Variants in FAM53A observed in about 807,000 individuals in gnomAD.
The protein encoded by FAM53A is protein FAM53A.
A neutral mutation model predicts 26.6 loss-of-function variants in FAM53A; 28 were observed. That is an observed-to-expected ratio of 1.05 (90% confidence interval 0.78 to 1.45). FAM53A has a LOEUF of 1.45. Ranked by LOEUF, FAM53A falls within the 40% of genes most tolerant of loss-of-function variation. The pLI is 0.00. For synonymous variants in FAM53A, 290 were observed against 253.1 expected (o/e 1.15, Z -1.38); for missense variants, 650 against 575.8 (o/e 1.13, Z -1.32).
rs1712058420 is a variant in FAM53A, at chr4:1,644,469, C to T, written c.883-2862G>A. On this transcript the variant is annotated intron_variant, in intron 4 of 4. Transcript: ENST00000308132. ...CCCAACAGCGCTAGCGAAGGCCACA[C>T]GGAACTGAAGGGGCCACCCACGCTG... The T allele has an allele frequency of 2.5e-5, 31 of 1,258,804 alleles. 1 individual carries two copies. Among genetic ancestry groups the T allele is most frequent in the South Asian group, 3.1e-5 (2 of 64,416 alleles). The allele number at this position is 1,258,804 out of a possible 1,614,324, so 78.0% of individuals were successfully genotyped here. A position where few individuals can be genotyped will look rare whatever the true frequency, so the allele number is the denominator to read the frequency against.
chr4:1,663,896 C>T (rs537322619), intron 2 of FAM53A, among the ~76,000 whole-genome samples: 172 of 150,776 alleles, frequency 1.1e-3, no homozygotes, highest in Non-Finnish European at 2.0e-3. Context: ...AATCTATGTG[C>T]AACTAGAGGA....
chr4:1,600,557 G>C, the FAM53A span, among the ~76,000 whole-genome samples: 1 of 152,206 alleles, frequency 6.6e-6, no homozygotes, highest in Admixed American at 6.5e-5. Context: ...GCCCCACACG[G>C]CCAGGGTGAG....
intron 4 of FAM53A, chr4:1,644,469 C>A: frequency 7.9e-7 from 1 of 1,258,806 alleles, no homozygotes; most frequent in Non-Finnish European, 1.1e-6. Context: ...GAAGGCCACA[C>A]GGAACTGAAG....
chr4:1,590,573 T>C, the FAM53A span, among the ~76,000 whole-genome samples: 3 of 152,034 alleles, frequency 2.0e-5, no homozygotes, highest in African/African-American at 7.2e-5. Flanking sequence ...ACCTCAGTTA[T>C]GCAAACAATC....
At chr4:1,672,420 T>A (rs1268189788) in intron 1 of FAM53A, among the ~76,000 whole-genome samples, 1 of 151,770 alleles carries the variant, frequency 6.6e-6, no homozygotes, top group Admixed American at 6.6e-5. Flanking sequence ...TGGACCCAGG[T>A]GAGGTGGGGG....
chr4:1,633,069 G>A (rs535418562), intron 1 of FAM53A, among the ~76,000 whole-genome samples: 1 of 152,160 alleles, frequency 6.6e-6, no homozygotes, highest in East Asian at 1.9e-4. Context: ...CACACACATA[G>A]GTACACGCTC....
chr4:1,626,674 C>G (rs1007222007), intron 1 of FAM53A, among the ~76,000 whole-genome samples: 2 of 151,764 alleles, frequency 1.3e-5, no homozygotes, highest in Non-Finnish European at 2.9e-5. Context: ...CCCGGGGGGA[C>G]CCGGGGAGGA....
At chr4:1,627,686 C>A (rs1367007838) in intron 1 of FAM53A, among the ~76,000 whole-genome samples, 3 of 152,200 alleles carry the variant, frequency 2.0e-5, no homozygotes, top group African/African-American at 7.2e-5. Context: ...CTGAGGCCTG[C>A]AGGGGAAGGG....
chr4:1,600,578 G>A, the FAM53A span, among the ~76,000 whole-genome samples: 1 of 152,220 alleles, frequency 6.6e-6, no homozygotes, highest in African/African-American at 2.4e-5. Flanking sequence ...CAAGAAAGGC[G>A]CCATTGCTGT....
At chr4:1,662,207 G>A (rs946521980) in intron 2 of FAM53A, among the ~76,000 whole-genome samples, 3 of 151,738 alleles carry the variant, frequency 2.0e-5, no homozygotes, top group Admixed American at 6.6e-5. Flanking sequence ...TGGGGTGGGC[G>A]TGGTGGCTGT....
At chr4:1,646,899 C>T (rs2044507) in intron 4 of FAM53A, among the ~76,000 whole-genome samples, 10,634 of 152,274 alleles carry the variant, frequency 0.07, 437 homozygotes, top group Middle Eastern at 0.17. Context: ...CTTTTCAAAG[C>T]CCTAAAAGCA....
chr4:1,596,216 C>T, the FAM53A span, among the ~76,000 whole-genome samples: 5 of 152,378 alleles, frequency 3.3e-5, no homozygotes, highest in East Asian at 1.9e-4. Context: ...TGAGTTCTGA[C>T]TCACATCCTC....
chr4:1,599,423 G>A, the FAM53A span, among the ~76,000 whole-genome samples: 1 of 152,208 alleles, frequency 6.6e-6, no homozygotes, highest in African/African-American at 2.4e-5. The surrounding 1 kb of genome is among the most constrained non-coding windows in gnomAD (Gnocchi z 6.1). Flanking sequence ...CGAGTGTTTC[G>A]CAGACAAGGA....
At chr4:1,614,822 C>T (rs749250507), downstream of FAM53A, among the ~76,000 whole-genome samples, 2 of 152,176 alleles carry the variant, frequency 1.3e-5, no homozygotes, top group Non-Finnish European at 2.9e-5. Flanking sequence ...TCACAGCCAG[C>T]GGTGCCACAG....
chr4:1,643,259 G>A (rs545269746), intron 4 of FAM53A, among the ~76,000 whole-genome samples: 17 of 152,216 alleles, frequency 1.1e-4, no homozygotes, highest in South Asian at 6.2e-4. Flanking sequence ...GAGGTCAGGA[G>A]ATCAAGACCA....
At chr4:1,651,393 G>A (rs1338714854) in intron 4 of FAM53A, among the ~76,000 whole-genome samples, 10 of 151,906 alleles carry the variant, frequency 6.6e-5, no homozygotes, top group Admixed American at 6.6e-4. Context: ...TTAGCCAAGC[G>A]TGGTGGTGCA....
At chr4:1,647,507 C>T (rs1712350103) in intron 4 of FAM53A, among the ~76,000 whole-genome samples, 1 of 152,052 alleles carries the variant, frequency 6.6e-6, no homozygotes. Context: ...CAGGGGGTGG[C>T]GGGGGGTTGA....
intron 1 of FAM53A, among the ~76,000 whole-genome samples, chr4:1,631,682 T>C (rs1715618803): frequency 6.6e-6 from 1 of 151,714 alleles, no homozygotes; most frequent in South Asian, 2.1e-4. Context: ...GAAACACTGA[T>C]TCAAGAAGCT....
At chr4:1,622,478 TC>T (rs1203332079) in intron 1 of FAM53A, among the ~76,000 whole-genome samples, 2 of 152,108 alleles carry the variant, frequency 1.3e-5, no homozygotes, top group African/African-American at 4.8e-5. Flanking sequence ...GGGCTCCTCC[TC>T]CCTCCCAGGG....
Sources: gnomAD v4.1 joint callset for allele counts (sites outside exome capture counted in the v4.1 genomes callset) on GRCh38, gnomAD v4.1.1 for gene constraint, Gnocchi (gnomAD v3.1) non-coding constraint, MANE v1.5 for transcripts, NCBI Gene and HGNC (gene_info 2026-07-23, HGNC 2026-07-21) for gene names.